Variants in PPARGC1A observed in about 807,000 individuals in gnomAD.
The protein encoded by PPARGC1A is PPARG coactivator 1 alpha, also known as peroxisome proliferator-activated receptor gamma coactivator 1-alpha.
A neutral mutation model predicts 88.7 loss-of-function variants in PPARGC1A; 25 were observed. The observed-to-expected ratio is 0.28, with a 90% CI of 0.21 to 0.39. The LOEUF is 0.39. Ranked by LOEUF, PPARGC1A falls within the 10% of genes least tolerant of loss-of-function variation. PPARGC1A has a pLI of 1.00. For synonymous variants in PPARGC1A, 363 were observed against 355.6 expected (o/e 1.02, Z -0.24); for missense variants, 880 against 968.7 (o/e 0.91, Z 1.22).
chr4:24,326,362 C>T, the PPARGC1A span, among the ~76,000 whole-genome samples: 9 of 151,476 alleles, frequency 5.9e-5, no homozygotes, highest in South Asian at 2.1e-4. Flanking sequence ...GCCTTATCAA[C>T]CAAATTGTTT....
intron 2 of PPARGC1A, among the ~76,000 whole-genome samples, chr4:23,835,138 T>C (rs1393846292): frequency 6.6e-6 from 1 of 152,224 alleles, no homozygotes; most frequent in African/African-American, 2.4e-5. Flanking sequence ...GTAAATTTTG[T>C]GTTTGGCTTT....
At chr4:23,817,536 A>G (rs564632274) in intron 7 of PPARGC1A, among the ~76,000 whole-genome samples, 2 of 152,290 alleles carry the variant, frequency 1.3e-5, no homozygotes, top group African/African-American at 4.8e-5. Context: ...CTGCATATAC[A>G]CTTAAAATTG....
At chr4:24,405,865 C>T in the PPARGC1A span, among the ~76,000 whole-genome samples, 16 of 151,928 alleles carry the variant, frequency 1.1e-4, no homozygotes, top group African/African-American at 3.9e-4. Context: ...CTTTTTTCTT[C>T]CTTCTTCCAT....
chr4:23,925,906 T>C, the PPARGC1A span, among the ~76,000 whole-genome samples: 2 of 152,160 alleles, frequency 1.3e-5, no homozygotes, highest in Admixed American at 1.3e-4. Context: ...TCCCATAAAA[T>C]TTCAAACTTA....
At chr4:24,155,856 G>A in the PPARGC1A span, among the ~76,000 whole-genome samples, 1 of 152,122 alleles carries the variant, frequency 6.6e-6, no homozygotes, top group African/African-American at 2.4e-5. Flanking sequence ...GTGGGCAGAT[G>A]CAAGTTACAA....
At chr4:24,160,661 T>A in the PPARGC1A span, among the ~76,000 whole-genome samples, 2 of 152,336 alleles carry the variant, frequency 1.3e-5, no homozygotes, top group South Asian at 4.1e-4. Context: ...CTCTCATTTT[T>A]AAATGTGTTT....
chr4:23,987,804 T>C, the PPARGC1A span, among the ~76,000 whole-genome samples: 2 of 152,038 alleles, frequency 1.3e-5, no homozygotes. Context: ...ATTATTATTA[T>C]TATACTTTAA....
the PPARGC1A span, among the ~76,000 whole-genome samples, chr4:24,337,593 TCATAA>T: frequency 6.6e-6 from 1 of 150,968 alleles, no homozygotes; most frequent in Non-Finnish European, 1.5e-5. Flanking sequence ...CTAGGTGACA[TCATAA>T]CATAACAGTT....
chr4:23,880,955 T>C (rs939414623), intron 2 of PPARGC1A: 1 of 152,224 alleles, frequency 6.6e-6, no homozygotes, highest in Non-Finnish European at 1.5e-5. Flanking sequence ...GAATGAAAGA[T>C]GCCCATTCAG....
chr4:24,229,301 G>C, the PPARGC1A span, among the ~76,000 whole-genome samples: 1 of 150,508 alleles, frequency 6.6e-6, no homozygotes, highest in Non-Finnish European at 1.5e-5. Context: ...TTACAGACAC[G>C]CGCCACCACG....
At chr4:24,095,826 G>C in the PPARGC1A span, among the ~76,000 whole-genome samples, 1 of 152,170 alleles carries the variant, frequency 6.6e-6, no homozygotes, top group East Asian at 1.9e-4. Context: ...TGGCAAAAGG[G>C]CAAGTGACTG....
chr4:24,429,277 T>C, the PPARGC1A span, among the ~76,000 whole-genome samples: 1 of 152,024 alleles, frequency 6.6e-6, no homozygotes, highest in Non-Finnish European at 1.5e-5. Context: ...TTCACACACA[T>C]GCAACACACA....
the PPARGC1A span, among the ~76,000 whole-genome samples, chr4:24,237,935 C>T: frequency 6.6e-6 from 1 of 152,206 alleles, no homozygotes; most frequent in Non-Finnish European, 1.5e-5. Flanking sequence ...GCCCGGCACT[C>T]AGCCAATGGC....
rs376251124 is a variant in PPARGC1A, at chr4:23,842,480, A to T, written c.235-10729T>A. Among the ~76,000 whole-genome samples, 12 of 152,264 alleles carry T rather than the reference A, an allele frequency of 7.9e-5. No homozygotes were observed. The East Asian group carries it at 2.3e-3, about 29-fold the overall frequency. On this transcript the variant is annotated intron_variant, in intron 2 of 12. Coordinates refer to ENST00000264867, the MANE Select transcript of PPARGC1A (RefSeq NM_013261.5). ...CAGAAAAACTTGGATCCATAGACAG[A>T]AATGCAGATTTCAAAGCCTCATCAC...
At chr4:24,022,630 T>A in the PPARGC1A span, among the ~76,000 whole-genome samples, 2 of 152,114 alleles carry the variant, frequency 1.3e-5, no homozygotes, top group African/African-American at 4.8e-5. Flanking sequence ...AGGGCCTCCC[T>A]CCCTTAACAG....
chr4:23,843,544 A>G, intron 2 of PPARGC1A, among the ~76,000 whole-genome samples: 1 of 152,216 alleles, frequency 6.6e-6, no homozygotes, highest in African/African-American at 2.4e-5. Context: ...CACTAAATTG[A>G]ATTCAAAATA....
chr4:24,043,519 C>G, the PPARGC1A span, among the ~76,000 whole-genome samples: 1 of 152,110 alleles, frequency 6.6e-6, no homozygotes, highest in African/African-American at 2.4e-5. Context: ...ATAAACACCC[C>G]TTTTCTCATC....
the PPARGC1A span, among the ~76,000 whole-genome samples, chr4:24,459,820 GTAGA>G: frequency 2.0e-5 from 3 of 152,092 alleles, no homozygotes; most frequent in African/African-American, 7.2e-5. Flanking sequence ...AAAAAAAACT[GTAGA>G]TATTTACTTT....
the PPARGC1A span, among the ~76,000 whole-genome samples, chr4:24,470,440 A>G: frequency 1.3e-5 from 2 of 151,898 alleles, no homozygotes; most frequent in East Asian, 3.9e-4. This position sits in a 1 kb window ranked among gnomAD's most constrained non-coding sequence, Gnocchi z 5.8. Context: ...CGTGGAGAGC[A>G]CCCAAGGCCC....
Sources: gnomAD v4.1 joint callset for allele counts (sites outside exome capture counted in the v4.1 genomes callset) on GRCh38, gnomAD v4.1.1 for gene constraint, Gnocchi (gnomAD v3.1) non-coding constraint, MANE v1.5 for transcripts, NCBI Gene and HGNC (gene_info 2026-07-23, HGNC 2026-07-21) for gene names.